The following XPO4 variants were observed in gnomAD, a reference collection of about 807,000 sequenced individuals.
XPO4 encodes the protein exportin-4.
Under a neutral mutation model 143.0 loss-of-function variants are expected in XPO4, and 39 were observed. The observed-to-expected ratio is 0.27, with a 90% CI of 0.21 to 0.36. The LOEUF (loss-of-function observed/expected upper bound fraction) is 0.36, where lower values mean the gene tolerates loss of function less well. Among genes scored for constraint, XPO4 ranks in the 10% least tolerant of loss-of-function variants. The pLI is 1.00. For missense variants in XPO4, 907 were observed against 1,348.0 expected (o/e 0.67, Z 5.12); for synonymous variants, 439 against 474.0 (o/e 0.93, Z 0.96).
chr13:20,807,421 A>C, intron 13 of XPO4, 36 bp downstream of exon 13: 1 of 1,569,194 alleles, frequency 6.4e-7, no homozygotes, highest in East Asian at 2.3e-5. Context: ...AAACAGTATA[A>C]AAATTACAAG....
At position 20,782,274 on chromosome 13, in the gene XPO4, A is replaced by T. The variant is rs1187096412; in HGVS notation, c.*1448T>A. On this transcript the variant is annotated 3_prime_UTR_variant, in exon 23 of 23. Transcript: ENST00000255305. The stretch of plus-strand genomic sequence containing the variant: ...GGTGTCAGGAACATGGTGGAAGCAG[A>T]GTTTCATGAGTGCACCTGTGCCAGA... 2 of 152,238 alleles carry T rather than the reference A, an allele frequency of 1.3e-5. No individual in the cohort carries two copies. The highest frequency in any genetic ancestry group is 4.8e-5 in the African/African-American group (2 of 41,462). 9.4% of individuals were successfully genotyped at this position (152,238 alleles called of 1,614,324 possible).
chr13:20,804,140 CTA>C (rs71087101), intron 13 of XPO4, among the ~76,000 whole-genome samples: 2 of 149,208 alleles, frequency 1.3e-5, no homozygotes, highest in Non-Finnish European at 3.0e-5. Flanking sequence ...TATACATACA[CTA>C]TATATATACA....
In XPO4 at chr13:20,817,549, C is replaced by T. The variant is rs544581922; in HGVS notation, c.1173+4155G>A. Among the ~76,000 whole-genome samples, 41 of 152,280 alleles carry T rather than the reference C, an allele frequency of 2.7e-4. No individual in the cohort carries two copies. In the South Asian group the frequency reaches 8.5e-3, roughly 32 times the overall value. On this transcript the variant is annotated intron_variant, in intron 9 of 22. Coordinates refer to ENST00000255305, the MANE Select transcript of XPO4 (RefSeq NM_022459.5). ...CGATTGCCCTTATACACAACACATA[C>T]ATCAAAATGCATATACAAAATACCT...
At chr13:20,784,713 A>T (rs868535238) in intron 22 of XPO4, among the ~76,000 whole-genome samples, 31 of 152,210 alleles carry the variant, frequency 2.0e-4, no homozygotes, top group African/African-American at 5.8e-4. Flanking sequence ...GAGGCTGAGG[A>T]GGGATGACTG....
chr13:20,854,683 A>C (rs1433103960), intron 4 of XPO4, among the ~76,000 whole-genome samples: 1 of 152,176 alleles, frequency 6.6e-6, no homozygotes, highest in African/African-American at 2.4e-5. Context: ...TTAAACAAAG[A>C]ATCACAGCTA....
intron 6 of XPO4, among the ~76,000 whole-genome samples, chr13:20,840,001 A>G (rs1252723683): frequency 6.6e-6 from 1 of 152,020 alleles, no homozygotes; most frequent in Non-Finnish European, 1.5e-5. Context: ...ATAAATAAAT[A>G]AAAATAAAAT....
chr13:20,804,951 G>GT (rs61182275), intron 13 of XPO4, among the ~76,000 whole-genome samples: 42,932 of 145,418 alleles, frequency 0.3, 7,923 homozygotes, highest in East Asian at 0.8. Flanking sequence ...TTTGCATTTT[G>GT]TTTTTTTTTT....
intron 4 of XPO4, chr13:20,852,898 G>T (rs1024986242): frequency 1.0e-6 from 1 of 985,208 alleles, no homozygotes; most frequent in Non-Finnish European, 1.2e-6. Context: ...CTTAACCACA[G>T]TGGGATTACC....
intron 1 of XPO4, among the ~76,000 whole-genome samples, chr13:20,900,124 C>T (rs1595176990): frequency 6.6e-6 from 1 of 152,146 alleles, no homozygotes; most frequent in Non-Finnish European, 1.5e-5. Flanking sequence ...CAGTGGCTCA[C>T]GCCTGTAATC....
At chr13:20,889,801 A>T (rs2060494551) in intron 1 of XPO4, among the ~76,000 whole-genome samples, 1 of 152,226 alleles carries the variant, frequency 6.6e-6, no homozygotes, top group Admixed American at 6.5e-5. Flanking sequence ...TTGTGTGTAA[A>T]AAATTTGCTT....
chr13:20,874,582 CTT>C (rs965716554), intron 1 of XPO4, among the ~76,000 whole-genome samples: 1 of 152,192 alleles, frequency 6.6e-6, no homozygotes, highest in African/African-American at 2.4e-5. Flanking sequence ...TTCTCTCTCT[CTT>C]TCTTGCTCAT....
chr13:20,870,265 C>T lies in XPO4; in HGVS notation c.70-1564G>A, dbSNP rs144620280. On this transcript the variant is annotated intron_variant, in intron 1 of 22. Coordinates refer to ENST00000255305, the MANE Select transcript of XPO4 (RefSeq NM_022459.5). ...CAACATGGTGAAACCCCCGTCTCTACTAAAAATACAAAAAAATTAGCCAGG... is the reference window on the plus strand; with the variant it reads ...CAACATGGTGAAACCCCCGTCTCTATTAAAAATACAAAAAAATTAGCCAGG... 2.2e-4 allele frequency among the ~76,000 whole-genome samples: 34 copies of T among 151,316 alleles called. 1 individual carries two copies. The East Asian group carries it at 6.4e-3, about 29-fold the overall frequency.
chr13:20,805,495 T>G, intron 13 of XPO4, among the ~76,000 whole-genome samples: 1 of 152,162 alleles, frequency 6.6e-6, no homozygotes, highest in East Asian at 1.9e-4. Flanking sequence ...GGCCTTTGCA[T>G]TCACTGTTTA....
intron 4 of XPO4, among the ~76,000 whole-genome samples, chr13:20,846,516 T>C (rs1007806192): frequency 6.6e-6 from 1 of 152,180 alleles, no homozygotes; most frequent in African/African-American, 2.4e-5. Context: ...ACTAATGAAG[T>C]ACAAATTCAC....
At position 20,822,170 on chromosome 13, in the gene XPO4, T is replaced by C. The variant is rs2059728771; in HGVS notation, c.960A>G (p.Leu320=). Residue 320 remains leucine, a synonymous_variant, in exon 8 of 23, where the codon CTA becomes CTG. Transcript: ENST00000255305. The stretch of plus-strand genomic sequence containing the variant: ...TCAGTAATCCCTCAATGAAGTGTGC[T>C]AGATAATCAACTTGTGATCCTTCAT... ...FPDEGSQVDY[L]AHFIEGLLNT... is the part of the protein sequence containing the mutation. 1.5e-5 allele frequency: 24 copies of C among 1,614,022 alleles called. No individual in the cohort carries two copies. The highest frequency in any genetic ancestry group is 2.0e-5 in the Non-Finnish European group (24 of 1,179,908).
chr13:20,826,648 T>G (rs2059789509), intron 7 of XPO4, among the ~76,000 whole-genome samples: 1 of 152,250 alleles, frequency 6.6e-6, no homozygotes, highest in African/African-American at 2.4e-5. Context: ...TTAAACTTGC[T>G]TCGTTTTCAA....
intron 4 of XPO4, chr13:20,849,405 C>T (rs888660018): frequency 1.6e-5 from 16 of 984,660 alleles, no homozygotes; most frequent in South Asian, 4.7e-5. Context: ...AGTGATTTAA[C>T]GTATGCCTAC....
intron 6 of XPO4, among the ~76,000 whole-genome samples, chr13:20,835,631 T>G (rs889687010): frequency 6.6e-6 from 1 of 152,220 alleles, no homozygotes; most frequent in Non-Finnish European, 1.5e-5. Flanking sequence ...CAACATTTCC[T>G]TGGCACAAAC....
At chr13:20,859,785 TAAA>T in intron 3 of XPO4, 2 of 679,976 alleles carry the variant, frequency 2.9e-6, no homozygotes, top group Non-Finnish European at 3.5e-6. Flanking sequence ...CAAAAAAAAT[TAAA>T]AAAAAAAAAA....
Sources: allele counts gnomAD v4.1 joint callset (sites outside exome capture counted in the v4.1 genomes callset), GRCh38; gene constraint gnomAD v4.1.1; transcripts MANE v1.5; gene names NCBI Gene and HGNC (gene_info 2026-07-23, HGNC 2026-07-21).